Variants in CFAP20DC observed in about 807,000 individuals in gnomAD.
The protein encoded by CFAP20DC is CFAP20 domain containing, also known as protein CFAP20DC.
In CFAP20DC, 84 loss-of-function variants were observed where a neutral mutation model predicts 101.7. That is an observed-to-expected ratio of 0.83 (90% confidence interval 0.69 to 0.99). The LOEUF is 0.99. Ranked by LOEUF, CFAP20DC falls within the 50% of genes least tolerant of loss-of-function variation. The pLI, the probability that CFAP20DC is intolerant of heterozygous loss-of-function variation, is 0.00. For synonymous variants in CFAP20DC, 359 were observed against 351.2 expected, an observed-to-expected ratio of 1.02 and a Z score of -0.25; for missense variants, 1,007 against 970.3, an observed-to-expected ratio of 1.04 and a Z score of -0.50.
At chr3:58,807,177 G>GT (rs1485631197) in intron 14 of CFAP20DC, among the ~76,000 whole-genome samples, 1 of 152,170 alleles carries the variant, frequency 6.6e-6, no homozygotes. Context: ...CTCTGCAGAC[G>GT]TAAGTGTCCC....
intron 14 of CFAP20DC, among the ~76,000 whole-genome samples, chr3:58,809,379 G>A (rs2074405800): frequency 1.3e-5 from 2 of 152,088 alleles, no homozygotes; most frequent in Admixed American, 6.5e-5. Flanking sequence ...AATCAAACTA[G>A]AACTCAGGAT....
intron 15 of CFAP20DC, among the ~76,000 whole-genome samples, chr3:58,781,423 A>C (rs574803571): frequency 6.6e-6 from 1 of 152,090 alleles, no homozygotes; most frequent in South Asian, 2.1e-4. Flanking sequence ...ATCTAAAATT[A>C]ATAGAAGGAA....
intron 4 of CFAP20DC, among the ~76,000 whole-genome samples, chr3:58,997,885 T>C (rs982680474): frequency 6.6e-6 from 1 of 151,934 alleles, no homozygotes; most frequent in Admixed American, 6.6e-5. Context: ...GGGGAGTGGG[T>C]ATAGGGGGGT....
intron 6 of CFAP20DC, among the ~76,000 whole-genome samples, chr3:58,902,170 A>C (rs1342385004): frequency 6.6e-6 from 1 of 151,186 alleles, no homozygotes; most frequent in Non-Finnish European, 1.5e-5. Context: ...TAATACATAC[A>C]TCATTTTTTA....
chr3:58,723,337 T>C (rs931597773), intron 3 of CFAP20DC, among the ~76,000 whole-genome samples: 2 of 152,196 alleles, frequency 1.3e-5, no homozygotes, highest in African/African-American at 2.4e-5. Flanking sequence ...ACAAAACGTA[T>C]AGTCATCCAA....
At chr3:58,719,438 G>GTAATAA (rs1302972643) in intron 3 of CFAP20DC, among the ~76,000 whole-genome samples, 1 of 152,194 alleles carries the variant, frequency 6.6e-6, no homozygotes, top group East Asian at 1.9e-4. Flanking sequence ...TAGATGCTTT[G>GTAATAA]TAATAGCATG....
intron 5 of CFAP20DC, among the ~76,000 whole-genome samples, chr3:58,921,148 T>A (rs915211996): frequency 1.3e-5 from 2 of 152,102 alleles, no homozygotes; most frequent in African/African-American, 4.8e-5. Context: ...CTTTTTTTTC[T>A]TGATTAGTCT....
chr3:58,905,885 C>T (rs1433085999), intron 6 of CFAP20DC, among the ~76,000 whole-genome samples: 1 of 152,190 alleles, frequency 6.6e-6, no homozygotes, highest in Non-Finnish European at 1.5e-5. Context: ...GGCATTCTTA[C>T]TCCATGGCAT....
At chr3:58,920,069 A>ATTT (rs1431827824) in intron 5 of CFAP20DC, among the ~76,000 whole-genome samples, 8 of 100,462 alleles carry the variant, frequency 8.0e-5, no homozygotes, top group African/African-American at 2.9e-4. Flanking sequence ...TAGGGTGGAT[A>ATTT]TTCTTTTTTT....
chr3:58,939,387 T>C (rs2088182206), intron 4 of CFAP20DC, among the ~76,000 whole-genome samples: 1 of 152,178 alleles, frequency 6.6e-6, no homozygotes, highest in Non-Finnish European at 1.5e-5. Flanking sequence ...TAACCAAAAA[T>C]TCATCTATCA....
intron 4 of CFAP20DC, among the ~76,000 whole-genome samples, chr3:59,027,898 T>C (rs1318845802): frequency 1.3e-5 from 2 of 152,234 alleles, no homozygotes; most frequent in Non-Finnish European, 2.9e-5. Context: ...CCTGTTGTTT[T>C]ACCTTCAAGT....
At chr3:58,929,943 TG>T (rs1265493384) in intron 5 of CFAP20DC, among the ~76,000 whole-genome samples, 1 of 152,140 alleles carries the variant, frequency 6.6e-6, no homozygotes, top group Non-Finnish European at 1.5e-5. Flanking sequence ...ACTAGATCAC[TG>T]GGTTTGTCTG....
At position 58,885,767 on chromosome 3, in the gene CFAP20DC, G is replaced by C. The variant is rs184682229; in HGVS notation, c.551-1058C>G. ...TAACATAATGTCCACTTCTATCCAT[G>C]TTGCTGCAAATGACAGGATTTCATT... On this transcript the variant is annotated intron_variant, in intron 6 of 16. Transcript: ENST00000482387. 4.0e-5 allele frequency among the ~76,000 whole-genome samples: 6 copies of C among 151,888 alleles called. No individual in the cohort carries two copies. In the East Asian group the frequency reaches 9.7e-4, roughly 24 times the overall value.
chr3:58,889,581 T>G (rs1254095162), intron 6 of CFAP20DC, among the ~76,000 whole-genome samples: 1 of 150,728 alleles, frequency 6.6e-6, no homozygotes, highest in East Asian at 1.9e-4. Flanking sequence ...TATTGATAAT[T>G]CTTGGGTGTT....
chr3:58,780,613 T>C (rs189522405), intron 15 of CFAP20DC, among the ~76,000 whole-genome samples: 42 of 152,076 alleles, frequency 2.8e-4, no homozygotes, highest in Non-Finnish European at 4.7e-4. Context: ...TTCACACAAA[T>C]GGAAGCCAAA....
intron 16 of CFAP20DC, among the ~76,000 whole-genome samples, chr3:58,745,634 T>A (rs979354939): frequency 6.6e-6 from 1 of 152,160 alleles, no homozygotes; most frequent in African/African-American, 2.4e-5. Flanking sequence ...ACAGCACACA[T>A]AGTAGTTGTT....
intron 7 of CFAP20DC, among the ~76,000 whole-genome samples, chr3:58,875,234 G>A (rs1246315637): frequency 6.6e-6 from 1 of 150,862 alleles, no homozygotes; most frequent in East Asian, 1.9e-4. Context: ...GGTTATGTGT[G>A]CATATGTATT....
intron 4 of CFAP20DC, among the ~76,000 whole-genome samples, chr3:58,950,167 C>T (rs372592810): frequency 6.6e-6 from 1 of 152,280 alleles, no homozygotes; most frequent in East Asian, 1.9e-4. Flanking sequence ...AACTCCCATT[C>T]ACAATTGCTT....
intron 4 of CFAP20DC, among the ~76,000 whole-genome samples, chr3:58,954,027 A>G (rs1483732892): frequency 6.6e-6 from 1 of 152,218 alleles, no homozygotes; most frequent in Non-Finnish European, 1.5e-5. Flanking sequence ...AACCTCATTT[A>G]TAATAATATT....
Sources: allele counts gnomAD v4.1 joint callset (sites outside exome capture counted in the v4.1 genomes callset), GRCh38; gene constraint gnomAD v4.1.1; transcripts MANE v1.5; gene names NCBI Gene and HGNC (gene_info 2026-07-23, HGNC 2026-07-21).